The following RBFOX1 variants were observed in gnomAD, a reference collection of about 807,000 sequenced individuals.
RBFOX1 encodes the protein RNA binding fox-1 homolog 1, also known as RNA binding protein fox-1 homolog 1.
A neutral mutation model predicts 57.7 loss-of-function variants in RBFOX1; 8 were observed. The observed-to-expected ratio is 0.14, with a 90% CI of 0.08 to 0.25. The LOEUF is 0.25. RBFOX1 is among the 10% of genes least tolerant of loss of function. The pLI, the probability that RBFOX1 is intolerant of heterozygous loss-of-function variation, is 1.00. For missense variants in RBFOX1, 611 were observed against 548.5 expected, an observed-to-expected ratio of 1.11 and a Z score of -1.14; for synonymous variants, 326 against 222.4, an observed-to-expected ratio of 1.47 and a Z score of -4.15.
rs187679851 is a variant in RBFOX1 at position 6,393,702 on chromosome 16, C to T, written c.-64+76645C>T. On this transcript the variant is annotated intron_variant, in intron 2 of 15. Coordinates refer to ENST00000550418, the MANE Select transcript of RBFOX1 (RefSeq NM_018723.4). ...CCCACATTATCTCTGCTGACTGTGT[C>T]TTTAGACACACAACACTTTTCTTTA... Among the ~76,000 whole-genome samples, 23 of 152,286 alleles carry T rather than the reference C, an allele frequency of 1.5e-4. No homozygotes were observed. In the East Asian group the frequency reaches 4.4e-3, roughly 29 times the overall value.
chr16:5,503,244 C>G (rs1055593900), intron 2 of RBFOX1, among the ~76,000 whole-genome samples: 1 of 152,144 alleles, frequency 6.6e-6, no homozygotes, highest in African/African-American at 2.4e-5. Flanking sequence ...TATTTTTGTT[C>G]TTATAGGAAG....
At chr16:6,718,093 T>G (rs931657546) in intron 3 of RBFOX1, among the ~76,000 whole-genome samples, 5 of 152,214 alleles carry the variant, frequency 3.3e-5, no homozygotes, top group Non-Finnish European at 7.3e-5. Flanking sequence ...AGTGGCTACT[T>G]CTTACCCATC....
intron 3 of RBFOX1, among the ~76,000 whole-genome samples, chr16:6,842,793 G>C (rs1019703389): frequency 6.6e-6 from 1 of 151,866 alleles, no homozygotes. Context: ...CATGCATTAG[G>C]TATTTGTCCT....
intron 2 of RBFOX1, among the ~76,000 whole-genome samples, chr16:5,533,471 A>AT (rs1030791799): frequency 2.2e-4 from 33 of 152,106 alleles, no homozygotes; most frequent in Admixed American, 1.6e-3. Flanking sequence ...TTGAACACAC[A>AT]TTTTTTTCTG....
chr16:6,079,642 C>T lies in RBFOX1; in HGVS notation c.-127+59650C>T, dbSNP rs187879307. ...AATGGTACAGGAGTTCAAGACCAGC[C>T]TGGACAACACAGGGAGACCCCGTTT... is the stretch of plus-strand genomic sequence containing the variant. On this transcript the variant is annotated intron_variant, in intron 1 of 15. Coordinates refer to ENST00000550418, the MANE Select transcript of RBFOX1 (RefSeq NM_018723.4). Among the ~76,000 whole-genome samples the T allele has an allele frequency of 1.2e-4, 19 of 152,052 alleles. No homozygotes were observed. The East Asian group carries it at 3.7e-3, about 30-fold the overall frequency.
chr16:6,780,488 T>TACATTTTTATATATTTA (rs1267272856), intron 3 of RBFOX1, among the ~76,000 whole-genome samples: 4,285 of 90,794 alleles, frequency 0.047, 283 homozygotes, highest in East Asian at 0.32. Context: ...TTATATATAT[T>TACATTTTTATATATTTA]TATATACATT....
chr16:6,255,534 A>C (rs754763827), intron 1 of RBFOX1, among the ~76,000 whole-genome samples: 11 of 152,172 alleles, frequency 7.2e-5, no homozygotes, highest in Non-Finnish European at 1.5e-4. Flanking sequence ...CCCTCCTCAT[A>C]CAAATGGATA....
intron 9 of RBFOX1, among the ~76,000 whole-genome samples, chr16:7,599,880 G>A (rs770763861): frequency 6.6e-6 from 1 of 151,436 alleles, no homozygotes; most frequent in Non-Finnish European, 1.5e-5. Flanking sequence ...CAAGTGATGT[G>A]CCTGTCTTGG....
intron 2 of RBFOX1, among the ~76,000 whole-genome samples, chr16:6,602,694 A>C (rs150477073): frequency 6.6e-6 from 1 of 152,326 alleles, no homozygotes; most frequent in Non-Finnish European, 1.5e-5. Context: ...TTCATCTGTG[A>C]ACTATGTCCA....
rs933738032 is a variant in RBFOX1, at chr16:6,651,057, C to G, written c.-63-3546C>G. ...AGCTGGGATTACAGGCGTGCACCAA[C>G]AAGCCCAGCTAATTCTGTATGTTTA... On this transcript the variant is annotated intron_variant, in intron 2 of 15. Transcript: ENST00000550418. Among the ~76,000 whole-genome samples the G allele has an allele frequency of 5.9e-5, 9 of 152,198 alleles. No homozygotes were observed. The South Asian group carries it at 6.2e-4, about 10-fold the overall frequency.
chr16:5,462,277 T>A (rs2068814676), intron 1 of RBFOX1, among the ~76,000 whole-genome samples: 1 of 149,958 alleles, frequency 6.7e-6, no homozygotes, highest in Admixed American at 6.7e-5. Flanking sequence ...CACGCCATTC[T>A]CCTGCCTCAG....
intron 2 of RBFOX1, among the ~76,000 whole-genome samples, chr16:6,559,616 A>G (rs1286610420): frequency 9.6e-6 from 1 of 104,664 alleles, no homozygotes; most frequent in African/African-American, 3.0e-5. Context: ...ATATATATAC[A>G]TACATACATG....
At chr16:5,395,457 C>T (rs140895295) in intron 1 of RBFOX1, among the ~76,000 whole-genome samples, 3 of 152,326 alleles carry the variant, frequency 2.0e-5, no homozygotes, top group African/African-American at 7.2e-5. Context: ...TGGAGTTCTT[C>T]AGACTTGGCT....
Position 6,681,562 on chromosome 16 carries a change from T to C in RBFOX1, c.-16+26912T>C, listed in dbSNP as rs141908340. ...TCCAAACTTTAGTCAGTTGAGAAAA[T>C]AAAGTAACAATTTGTTGTTAATTTG... On this transcript the variant is annotated intron_variant, in intron 3 of 15. Transcript: ENST00000550418. 1.6e-3 allele frequency among the ~76,000 whole-genome samples: 246 copies of C among 150,544 alleles called. No individual in the cohort carries two copies. In the East Asian group the frequency reaches 0.028, roughly 17 times the overall value.
intron 1 of RBFOX1, among the ~76,000 whole-genome samples, chr16:6,036,648 C>T (rs1391950084): frequency 6.6e-6 from 1 of 152,058 alleles, no homozygotes; most frequent in Non-Finnish European, 1.5e-5. Context: ...TTTCCTTTCT[C>T]CACTTTTAGA....
At chr16:6,008,621 C>A (rs866894702) in intron 4 of RBFOX1, among the ~76,000 whole-genome samples, 2 of 152,122 alleles carry the variant, frequency 1.3e-5, no homozygotes, top group Middle Eastern at 3.2e-3. Flanking sequence ...TATATCCTGA[C>A]AACCAGGGGA....
chr16:7,547,052 G>A (rs928975052), intron 5 of RBFOX1, among the ~76,000 whole-genome samples: 6 of 151,634 alleles, frequency 4.0e-5, no homozygotes, highest in African/African-American at 1.5e-4. Flanking sequence ...CCTGTCTCCT[G>A]CACTCACACC....
At chr16:6,674,548 C>G (rs907315585) in intron 3 of RBFOX1, among the ~76,000 whole-genome samples, 2 of 152,108 alleles carry the variant, frequency 1.3e-5, no homozygotes, top group African/African-American at 4.8e-5. Context: ...TGTCGAACTC[C>G]TGACCTCAAG....
intron 3 of RBFOX1, among the ~76,000 whole-genome samples, chr16:6,855,812 T>TCCC: frequency 6.6e-6 from 1 of 151,880 alleles, no homozygotes; most frequent in African/African-American, 2.4e-5. Flanking sequence ...CCTTCTTCCC[T>TCCC]TCCTTCCTCC....
Sources: allele counts gnomAD v4.1 joint callset (sites outside exome capture counted in the v4.1 genomes callset), GRCh38; gene constraint gnomAD v4.1.1; transcripts MANE v1.5; gene names NCBI Gene and HGNC (gene_info 2026-07-23, HGNC 2026-07-21).